The following ZNF385D variants were observed in gnomAD, a reference collection of about 807,000 sequenced individuals.
ZNF385D encodes zinc finger protein 385D, also known as zinc finger protein 659.
In ZNF385D, 15 loss-of-function variants were observed where a neutral mutation model predicts 35.8. The observed-to-expected ratio is 0.42, with a 90% CI of 0.28 to 0.64. The LOEUF is 0.64. Ranked by LOEUF, ZNF385D falls within the 30% of genes least tolerant of loss-of-function variation. The pLI is 0.23. For missense variants in ZNF385D, 474 were observed against 494.6 expected (o/e 0.96, Z 0.39); for synonymous variants, 212 against 186.8 (o/e 1.13, Z -1.10).
At chr3:21,550,864 G>T (rs879536401) in intron 3 of ZNF385D, among the ~76,000 whole-genome samples, 5 of 152,110 alleles carry the variant, frequency 3.3e-5, no homozygotes, top group African/African-American at 4.8e-5. Context: ...GGGCTATCAG[G>T]CCTTCAAGCA....
At chr3:22,114,332 A>G (rs1459011247) in intron 3 of ZNF385D, among the ~76,000 whole-genome samples, 1 of 152,148 alleles carries the variant, frequency 6.6e-6, no homozygotes, top group Non-Finnish European at 1.5e-5. Flanking sequence ...GAAAACTGAT[A>G]AACAGTCTGT....
At chr3:22,153,956 A>G (rs951404093) in intron 3 of ZNF385D, among the ~76,000 whole-genome samples, 2 of 152,130 alleles carry the variant, frequency 1.3e-5, no homozygotes, top group African/African-American at 4.8e-5. Flanking sequence ...TCCCTCTGTT[A>G]GTTCACATGT....
intron 3 of ZNF385D, among the ~76,000 whole-genome samples, chr3:22,012,254 T>C (rs942552900): frequency 6.6e-6 from 1 of 152,190 alleles, no homozygotes; most frequent in Non-Finnish European, 1.5e-5. Flanking sequence ...ATGTCTTATA[T>C]TTACAAGCTA....
chr3:21,561,497 T>A (rs1294947012), intron 3 of ZNF385D, among the ~76,000 whole-genome samples: 1 of 152,152 alleles, frequency 6.6e-6, no homozygotes, highest in Non-Finnish European at 1.5e-5. Context: ...CCAGTCCCAA[T>A]GAGATGAACT....
chr3:22,327,121 G>A (rs1694713759), intron 2 of ZNF385D, among the ~76,000 whole-genome samples: 1 of 152,202 alleles, frequency 6.6e-6, no homozygotes, highest in South Asian at 2.1e-4. Context: ...GAATTCTGAA[G>A]ATTGTCGGAA....
chr3:21,803,551 A>C (rs2072503482), intron 3 of ZNF385D, among the ~76,000 whole-genome samples: 1 of 152,188 alleles, frequency 6.6e-6, no homozygotes, highest in East Asian at 1.9e-4. Flanking sequence ...ACAGTGAAAA[A>C]ATATATTTTC....
intron 4 of ZNF385D, among the ~76,000 whole-genome samples, chr3:21,495,422 A>C (rs1705759099): frequency 6.6e-6 from 1 of 152,180 alleles, no homozygotes; most frequent in African/African-American, 2.4e-5. Context: ...TTATAGTTAC[A>C]TGGAAATTAA....
intron 3 of ZNF385D, among the ~76,000 whole-genome samples, chr3:22,147,845 GGAAA>G (rs1175257550): frequency 6.6e-6 from 1 of 152,088 alleles, no homozygotes; most frequent in Admixed American, 6.6e-5. Flanking sequence ...GCAGAAACTA[GGAAA>G]GAAATACTCT....
At chr3:21,467,680 T>A (rs1703605478) in intron 4 of ZNF385D, among the ~76,000 whole-genome samples, 1 of 152,146 alleles carries the variant, frequency 6.6e-6, no homozygotes, top group African/African-American at 2.4e-5. Context: ...ATCAAACCCA[T>A]GCTTCCCCTC....
chr3:22,294,048 T>C (rs1428223981), intron 2 of ZNF385D, among the ~76,000 whole-genome samples: 3 of 151,822 alleles, frequency 2.0e-5, no homozygotes, highest in Non-Finnish European at 4.4e-5. Flanking sequence ...TTTTTTCTAA[T>C]TGATTGTATC....
At chr3:21,815,664 G>A (rs572897617) in intron 3 of ZNF385D, among the ~76,000 whole-genome samples, 25 of 152,264 alleles carry the variant, frequency 1.6e-4, no homozygotes, top group Non-Finnish European at 3.4e-4. Context: ...CCAATAGCAG[G>A]CTCTGAAATT....
At chr3:21,626,397 G>T (rs1001204036) in intron 2 of ZNF385D, among the ~76,000 whole-genome samples, 2 of 152,100 alleles carry the variant, frequency 1.3e-5, no homozygotes, top group African/African-American at 4.8e-5. Flanking sequence ...TAGGAAAAAT[G>T]ATAGTCATTA....
intron 2 of ZNF385D, among the ~76,000 whole-genome samples, chr3:22,177,970 A>C (rs1275519750): frequency 1.3e-5 from 2 of 152,114 alleles, no homozygotes; most frequent in Non-Finnish European, 2.9e-5. Context: ...ACATTTTCTT[A>C]ATCCAGTCTA....
At chr3:21,705,975 C>T (rs75142218) in intron 1 of ZNF385D, among the ~76,000 whole-genome samples, 2,373 of 152,204 alleles carry the variant, frequency 0.016, 58 homozygotes, top group African/African-American at 0.053. Flanking sequence ...AAGCATGACT[C>T]GATCAATGAT....
At chr3:21,619,448 G>T (rs901615213) in intron 2 of ZNF385D, among the ~76,000 whole-genome samples, 7 of 151,872 alleles carry the variant, frequency 4.6e-5, no homozygotes, top group African/African-American at 1.7e-4. Context: ...GTCTATGCAT[G>T]TAAGTATGAG....
intron 3 of ZNF385D, among the ~76,000 whole-genome samples, chr3:21,840,804 T>C (rs1337935300): frequency 2.6e-5 from 4 of 151,964 alleles, no homozygotes; most frequent in East Asian, 1.9e-4. Context: ...TACCCCCTTA[T>C]GTCAATCACT....
In ZNF385D at chr3:22,266,813, G is replaced by T. The variant is rs185485753; in HGVS notation, c.107-97778C>A. Among the ~76,000 whole-genome samples, 371 of 152,034 alleles carry T rather than the reference G, an allele frequency of 2.4e-3. 1 individual carries two copies. The Middle Eastern group carries it at 0.027, about 11-fold the overall frequency. The stretch of plus-strand genomic sequence containing the variant: ...ATTATCGGTAAGTAAAGTCCTGACT[G>T]TATGATGATGCACAGATACCGAAGC... On this transcript the variant is annotated intron_variant, in intron 2 of 5. Transcript: ENST00000494108.
chr3:21,469,950 G>A (rs1703778699), intron 4 of ZNF385D, among the ~76,000 whole-genome samples: 1 of 152,066 alleles, frequency 6.6e-6, no homozygotes, highest in African/African-American at 2.4e-5. Flanking sequence ...AAATTAATGG[G>A]TAAAAGGACT....
intron 2 of ZNF385D, among the ~76,000 whole-genome samples, chr3:22,236,000 A>T (rs910804215): frequency 6.6e-6 from 1 of 152,176 alleles, no homozygotes; most frequent in Non-Finnish European, 1.5e-5. Context: ...CACAAAATGC[A>T]CAAGATACAG....
Sources: allele counts gnomAD v4.1 joint callset (sites outside exome capture counted in the v4.1 genomes callset), GRCh38; gene constraint gnomAD v4.1.1; transcripts MANE v1.5; gene names NCBI Gene and HGNC (gene_info 2026-07-23, HGNC 2026-07-21).